LPCAT3: variants seen among roughly 807,000 people sequenced by gnomAD.
LPCAT3 encodes the protein lysophosphatidylcholine acyltransferase 3.
Under a neutral mutation model 63.4 loss-of-function variants are expected in LPCAT3, and 21 were observed. That is an observed-to-expected ratio of 0.33 (90% CI 0.23 to 0.48). The LOEUF (loss-of-function observed/expected upper bound fraction) is 0.48. Ranked by LOEUF, LPCAT3 falls within the 20% of genes least tolerant of loss-of-function variation. LPCAT3 has a pLI of 0.99. For missense variants in LPCAT3, 451 were observed against 590.6 expected (o/e 0.76, Z 2.45); for synonymous variants, 242 against 227.5 (o/e 1.06, Z -0.58).
At chr12:6,982,025 T>G in intron 3 of LPCAT3, 121 bp from the exon 4 acceptor site, 1 of 643,062 alleles carries the variant, frequency 1.6e-6, no homozygotes, top group Non-Finnish European at 2.8e-6. Flanking sequence ...CTTAATAAAT[T>G]CCTACAAATG....
In LPCAT3 at chr12:6,992,132, C is replaced by T. The variant is rs146122468; in HGVS notation, c.152-8593G>A. Among the ~76,000 whole-genome samples the T allele has an allele frequency of 8.6e-5, 13 of 152,000 alleles. No homozygotes were observed. The East Asian group carries it at 1.2e-3, about 14-fold the overall frequency. On this transcript the variant is annotated intron_variant, in intron 1 of 12. Transcript: ENST00000261407. ...TACAATTAACAATATTTAGCCTGGG[C>T]GACAGAGTGAAACCCCATCTCTAAA...
chr12:7,011,385 C>T (rs1333865945), intron 1 of LPCAT3, among the ~76,000 whole-genome samples: 2 of 152,086 alleles, frequency 1.3e-5, no homozygotes, highest in African/African-American at 2.4e-5. Flanking sequence ...ATGGCTTATG[C>T]CTGTAATCTC....
chr12:6,980,875 C>A (rs1384904394), intron 6 of LPCAT3, 129 bp downstream of exon 6: 2 of 859,964 alleles, frequency 2.3e-6, no homozygotes, highest in Non-Finnish European at 1.7e-6. Context: ...GTGCCTGTTA[C>A]AACAGTCCAG....
chr12:6,978,940 T>C (rs1946439350), intron 7 of LPCAT3: 1 of 476,722 alleles, frequency 2.1e-6, no homozygotes, highest in Non-Finnish European at 3.7e-6. Context: ...TCTCTACTGT[T>C]TGCCTTCGTT....
intron 1 of LPCAT3, among the ~76,000 whole-genome samples, chr12:6,993,255 T>C (rs1555155715): frequency 6.6e-6 from 1 of 152,018 alleles, no homozygotes; most frequent in African/African-American, 2.4e-5. Context: ...CTGGCCAACA[T>C]GGTGAAACCC....
Position 6,987,927 on chromosome 12 carries a change from C to T in LPCAT3, c.152-4388G>A. 1 of 399,754 alleles carries T rather than the reference C, an allele frequency of 2.5e-6. No homozygotes were observed. Among genetic ancestry groups the T allele is most frequent in the Non-Finnish European group, 4.4e-6 (1 of 225,772 alleles). The allele number at this position is 399,754 out of a possible 1,614,324, so 24.8% of individuals were successfully genotyped here. A position where few individuals can be genotyped will look rare whatever the true frequency, so the allele number is the denominator to read the frequency against. On this transcript the variant is annotated intron_variant, in intron 1 of 12. Transcript: ENST00000261407. This position sits in a 1 kb window ranked among gnomAD's most constrained non-coding sequence, Gnocchi z 4.1. ...GTCCACTTCTTATAGCCTGTCTGTC[C>T]CTTTCCTTGCTACTCTGGGATCAAC...
Position 6,978,590 on chromosome 12 carries a change from C to T in LPCAT3, c.873+13G>A. 1 of 1,614,032 alleles carries T rather than the reference C, an allele frequency of 6.2e-7. No individual in the cohort carries two copies. Among genetic ancestry groups the T allele is most frequent in the Non-Finnish European group, 8.5e-7 (1 of 1,179,942 alleles). On this transcript the variant is annotated intron_variant, in intron 8 of 12. Transcript: ENST00000261407. ...TTGTCTAAATAGGACCTTGTTTCAA[C>T]TTTTCTACTTACTGTGACCAGCCAA...
chr12:7,010,053 A>T (rs1946751532), intron 1 of LPCAT3, among the ~76,000 whole-genome samples: 2 of 152,186 alleles, frequency 1.3e-5, no homozygotes, highest in Admixed American at 1.3e-4. Flanking sequence ...TATTTATTTG[A>T]TCCAGCATTT....
intron 1 of LPCAT3, among the ~76,000 whole-genome samples, chr12:6,984,476 T>G (rs1946502438): frequency 6.6e-6 from 1 of 152,242 alleles, no homozygotes; most frequent in Non-Finnish European, 1.5e-5. Context: ...CTAGTGCATA[T>G]GTGGAGGATG....
At chr12:6,998,363 T>C (rs1555156271) in intron 1 of LPCAT3, among the ~76,000 whole-genome samples, 7 of 152,236 alleles carry the variant, frequency 4.6e-5, no homozygotes, top group Non-Finnish European at 8.8e-5. Context: ...TAAGTGCTTA[T>C]GGCAGATGTC....
chr12:6,984,677 C>T (rs1308454777), intron 1 of LPCAT3, among the ~76,000 whole-genome samples: 3 of 152,192 alleles, frequency 2.0e-5, no homozygotes, highest in Non-Finnish European at 2.9e-5. Flanking sequence ...GCCTTGACCT[C>T]CTGGGCTCAA....
chr12:7,017,520 G>A lies in LPCAT3; in HGVS notation c.151+754C>T, dbSNP rs1946804079. 6.6e-6 allele frequency among the ~76,000 whole-genome samples: 1 copy of A among 152,152 alleles called. No individual in the cohort carries two copies. Among genetic ancestry groups the A allele is most frequent in the African/African-American group, 2.4e-5 (1 of 41,434 alleles). On this transcript the variant is annotated intron_variant, in intron 1 of 12. Transcript: ENST00000261407. This position sits in a 1 kb window ranked among gnomAD's most constrained non-coding sequence, Gnocchi z 4.1. ...CTCCATGTATTAAACCATGGAGTGA[G>A]GATGCGGTAAAAAAGCCTATAAACC...
intron 3 of LPCAT3, among the ~76,000 whole-genome samples, chr12:6,982,380 C>T (rs775359144): frequency 1.3e-3 from 196 of 152,158 alleles, no homozygotes; most frequent in Non-Finnish European, 2.4e-3. Context: ...GCTTTTCTGT[C>T]TTGCCTTGAA....
chr12:6,979,102 C>T (rs976221495), intron 7 of LPCAT3: 3 of 300,850 alleles, frequency 1.0e-5, no homozygotes, highest in Non-Finnish European at 1.9e-5. Flanking sequence ...CCCCCCTTCC[C>T]TTGGTTTCTG....
intron 1 of LPCAT3, among the ~76,000 whole-genome samples, chr12:6,988,012 C>T (rs782530941): frequency 5.3e-5 from 8 of 151,840 alleles, no homozygotes; most frequent in East Asian, 3.8e-4. Context: ...TCCTAATTTA[C>T]GGCAGGCCTT....
Position 6,977,640 on chromosome 12 carries a change from G to C in LPCAT3, c.1146C>G (p.Val382=). The C allele has an allele frequency of 1.9e-6, 3 of 1,614,226 alleles. No individual in the cohort carries two copies. Among genetic ancestry groups the C allele is most frequent in the Non-Finnish European group, 2.5e-6 (3 of 1,180,046 alleles). The change falls in exon 10 of 13, where the codon GTC becomes GTG. Residue 382 remains valine (V), a synonymous_variant. Coordinates refer to ENST00000261407, the MANE Select transcript of LPCAT3 (RefSeq NM_005768.6). The surrounding 1 kb of genome is among the most constrained non-coding windows in gnomAD (Gnocchi z 4.5). ...CAATGAGGAATTCCATCTGGAAGCA[G>C]ACCAGGTATCCTGAGTGCAGGCCGT... is the stretch of plus-strand genomic sequence containing the variant. ...LWHGLHSGYL[V]CFQMEFLIVI...
At chr12:6,984,887 T>G (rs1156963430) in intron 1 of LPCAT3, among the ~76,000 whole-genome samples, 2 of 152,324 alleles carry the variant, frequency 1.3e-5, no homozygotes, top group East Asian at 3.9e-4. Flanking sequence ...GCCTGATGAA[T>G]TGCTGCGATT....
At chr12:6,985,299 G>C (rs1946511673) in intron 1 of LPCAT3, among the ~76,000 whole-genome samples, 1 of 152,044 alleles carries the variant, frequency 6.6e-6, no homozygotes, top group African/African-American at 2.4e-5. Flanking sequence ...GGGAGGCTGA[G>C]GCAGGAGAAT....
chr12:7,011,367 C>G (rs1277580105), intron 1 of LPCAT3, among the ~76,000 whole-genome samples: 1 of 152,078 alleles, frequency 6.6e-6, no homozygotes, highest in Non-Finnish European at 1.5e-5. Context: ...AATTCTTGGC[C>G]AGGGGCAATG....
Sources: allele counts gnomAD v4.1 joint callset (sites outside exome capture counted in the v4.1 genomes callset), GRCh38; gene constraint gnomAD v4.1.1; non-coding constraint Gnocchi (gnomAD v3.1); transcripts MANE v1.5; gene names NCBI Gene and HGNC (gene_info 2026-07-23, HGNC 2026-07-21).